The following ZBTB34 variants were observed in gnomAD, a reference collection of about 807,000 sequenced individuals.
ZBTB34 encodes zinc finger and BTB domain containing 34, also known as zinc finger and BTB domain-containing protein 34.
In ZBTB34, 1 loss-of-function variant was observed where a neutral mutation model predicts 33.4. The observed-to-expected ratio is 0.03, with a 90% confidence interval of 0.01 to 0.14. The LOEUF (loss-of-function observed/expected upper bound fraction) is 0.14, where lower values mean the gene tolerates loss of function less well. ZBTB34 is among the 10% of genes least tolerant of loss of function. The pLI is 1.00. For synonymous variants in ZBTB34, 283 were observed against 253.5 expected (o/e 1.12, Z -1.11); for missense variants, 406 against 657.2 (o/e 0.62, Z 4.18).
chr9:126,880,711 G>T lies in ZBTB34; in HGVS notation c.1312G>T (p.Gly438Trp). ...TAAACCATTCCGCTGTGAGATCTGC[G>T]GGAAGTGCTTTCCATTCCAAGGTAC... is the stretch of plus-strand genomic sequence containing the variant. The change falls in exon 2 of 2, where the codon GGG (glycine) becomes TGG (tryptophan). Residue 438 changes from glycine to tryptophan, a missense_variant. This residue lies in a region of ZBTB34 where 36 missense variants were observed against 109.4 expected (regional missense o/e 0.33). Transcript: ENST00000319119. The surrounding 1 kb of genome is among the most constrained non-coding windows in gnomAD (Gnocchi z 6.7). 1 of 1,613,740 alleles carries T rather than the reference G, an allele frequency of 6.2e-7. No individual in the cohort carries two copies. The highest frequency in any genetic ancestry group is 8.5e-7 in the Non-Finnish European group (1 of 1,179,880).
intron 1 of ZBTB34, among the ~76,000 whole-genome samples, 183 bp downstream of exon 1, chr9:126,860,922 G>A (rs1370334589): frequency 2.7e-5 from 4 of 150,388 alleles, no homozygotes; most frequent in Non-Finnish European, 4.5e-5. Flanking sequence ...AGCCGAGGCC[G>A]GGCGGGGTCC....
chr9:126,882,238 T>C (rs775603526), exon 2 of ZBTB34: 5 of 167,060 alleles, frequency 3.0e-5, no homozygotes, highest in Non-Finnish European at 5.9e-5. Flanking sequence ...GTGTCACCAT[T>C]TTTTGGTCAT....
At chr9:126,873,267 C>A (rs897868423) in intron 1 of ZBTB34, among the ~76,000 whole-genome samples, 2 of 152,032 alleles carry the variant, frequency 1.3e-5, no homozygotes, top group Non-Finnish European at 2.9e-5. Flanking sequence ...CATGTTTATG[C>A]ATTTATTTAT....
chr9:126,883,198 A>T (rs1564228133), exon 2 of ZBTB34: 1 of 165,158 alleles, frequency 6.1e-6, no homozygotes, highest in Non-Finnish European at 1.5e-5. Flanking sequence ...TTTGGTTTTG[A>T]TTTTTTTTTA....
chr9:126,863,749 A>G (rs1214792853), intron 1 of ZBTB34: 2 of 984,064 alleles, frequency 2.0e-6, no homozygotes, highest in Middle Eastern at 5.2e-4. Flanking sequence ...AAGAGGCAGG[A>G]CTTAATGTAT....
chr9:126,867,097 T>G (rs2033213134), intron 1 of ZBTB34, among the ~76,000 whole-genome samples: 1 of 151,934 alleles, frequency 6.6e-6, no homozygotes, highest in Non-Finnish European at 1.5e-5. Context: ...TTGATTATAT[T>G]TTTTGAAACC....
At chr9:126,876,171 C>T (rs1588389977) in intron 1 of ZBTB34, among the ~76,000 whole-genome samples, 1 of 3,924 alleles carries the variant, frequency 2.5e-4, no homozygotes, top group Admixed American at 1.9e-3. Context: ...TCCTTCCCCC[C>T]TTCCCCCCTT....
chr9:126,870,586 G>C (rs1212498536), intron 1 of ZBTB34, among the ~76,000 whole-genome samples: 1 of 152,154 alleles, frequency 6.6e-6, no homozygotes, highest in Non-Finnish European at 1.5e-5. Context: ...GACAAACTTA[G>C]ACAAATTGCC....
intron 1 of ZBTB34, among the ~76,000 whole-genome samples, chr9:126,875,894 T>A (rs913675612): frequency 1.3e-5 from 2 of 152,012 alleles, no homozygotes; most frequent in African/African-American, 4.8e-5. Flanking sequence ...ACTAAAGTTT[T>A]ACCAAAGTGT....
rs545620159 is a variant in ZBTB34, at chr9:126,883,747, C to T, written c.*2833C>T. Reference sequence around the variant, plus strand: ...CACAGTACTGTAAAGTTCCGCAGGGCTTCGAGGGAGGCAGCGCCTAGGCCA... The same window carrying T: ...CACAGTACTGTAAAGTTCCGCAGGGTTTCGAGGGAGGCAGCGCCTAGGCCA... On this transcript the variant is annotated 3_prime_UTR_variant, in exon 2 of 2. Coordinates refer to ENST00000319119, the Ensembl canonical transcript of ZBTB34. 2.4e-5 allele frequency: 4 copies of T among 167,246 alleles called. No individual in the cohort carries two copies. In the East Asian group the frequency reaches 7.7e-4, roughly 32 times the overall value. The allele number at this position is 167,246 out of a possible 1,614,324, so 10.4% of individuals were successfully genotyped here.
Position 126,869,801 on chromosome 9 carries a change from G to A in ZBTB34, c.-11+9062G>A, listed in dbSNP as rs75968151. Among the ~76,000 whole-genome samples the A allele has an allele frequency of 8.3e-3, 1,257 of 152,284 alleles. 12 individuals are homozygous for A. The highest frequency in any genetic ancestry group is 0.05 in the South Asian group (241 of 4,824). ...GTAAGAAATTAAAGAAATTGAAAGA[G>A]CAGAAAGATTGTCTTTCCATTGATT... On this transcript the variant is annotated intron_variant, in intron 1 of 1. Coordinates refer to ENST00000319119, the Ensembl canonical transcript of ZBTB34.
At chr9:126,881,455 A>T (rs561265032) in exon 2 of ZBTB34, 1 of 165,920 alleles carries the variant, frequency 6.0e-6, no homozygotes, top group African/African-American at 2.4e-5. Context: ...TGTAAGAGGA[A>T]TATATAATTT....
At chr9:126,884,103 T>C (rs1188873083) in exon 2 of ZBTB34, 1 of 167,044 alleles carries the variant, frequency 6.0e-6, no homozygotes, top group East Asian at 1.9e-4. Flanking sequence ...TGTGAAGAAA[T>C]CTTTTACAGT....
chr9:126,863,771 A>G, intron 1 of ZBTB34: 5 of 949,008 alleles, frequency 5.3e-6, no homozygotes, highest in African/African-American at 1.8e-5. Flanking sequence ...TTCCAGGGCC[A>G]GTGCCCCTGA....
intron 1 of ZBTB34, among the ~76,000 whole-genome samples, chr9:126,865,956 G>T (rs760161271): frequency 2.0e-5 from 3 of 152,170 alleles, no homozygotes; most frequent in African/African-American, 4.8e-5. Flanking sequence ...CTGCACTCCA[G>T]CCTGGGCACA....
chr9:126,869,317 G>C (rs536709107), intron 1 of ZBTB34, among the ~76,000 whole-genome samples: 1 of 151,604 alleles, frequency 6.6e-6, no homozygotes, highest in East Asian at 1.9e-4. Flanking sequence ...ACTTCAGAAG[G>C]GTCCTGGGAA....
At chr9:126,870,754 C>T (rs1167408750) in intron 1 of ZBTB34, among the ~76,000 whole-genome samples, 1 of 152,092 alleles carries the variant, frequency 6.6e-6, no homozygotes, top group Non-Finnish European at 1.5e-5. Context: ...TGGTGAAACC[C>T]CGTCTCTACT....
At chr9:126,878,725 TG>T (rs377131043) in intron 1 of ZBTB34, among the ~76,000 whole-genome samples, 37 of 150,898 alleles carry the variant, frequency 2.5e-4, no homozygotes, top group African/African-American at 3.9e-4. Context: ...GTTTTTGTTT[TG>T]TTTTTTTTTT....
At chr9:126,862,506 T>C (rs2033155102) in intron 1 of ZBTB34, among the ~76,000 whole-genome samples, 1 of 152,212 alleles carries the variant, frequency 6.6e-6, no homozygotes, top group East Asian at 1.9e-4. Context: ...CTGAACCTTA[T>C]TCTCTGCTTC....
Sources: gnomAD v4.1 joint callset for allele counts (sites outside exome capture counted in the v4.1 genomes callset) on GRCh38, gnomAD v4.1.1 for gene constraint, gnomAD v4.1.1 regional missense constraint, Gnocchi (gnomAD v3.1) non-coding constraint, MANE v1.5 for transcripts, NCBI Gene and HGNC (gene_info 2026-07-23, HGNC 2026-07-21) for gene names.